RGS7: variants seen among roughly 807,000 people sequenced by gnomAD.
RGS7 encodes regulator of G-protein signaling 7.
RGS7 carries 27 observed loss-of-function variants against 81.1 expected under a neutral mutation model. The observed-to-expected ratio is 0.33, with a 90% CI of 0.25 to 0.46. The LOEUF (loss-of-function observed/expected upper bound fraction) is 0.46. Among genes scored for constraint, RGS7 ranks in the 20% least tolerant of loss-of-function variants. The pLI is 1.00. For missense variants in RGS7, 396 were observed against 607.4 expected, an observed-to-expected ratio of 0.65 and a Z score of 3.66; for synonymous variants, 208 against 207.7, an observed-to-expected ratio of 1.00 and a Z score of -0.01.
intron 14 of RGS7, 98 bp downstream of exon 14, chr1:240,811,820 T>C (rs1369430971): frequency 9.2e-7 from 1 of 1,085,170 alleles, no homozygotes; most frequent in Non-Finnish European, 1.4e-6. Flanking sequence ...ATCATTATGA[T>C]GTTAGTGGAA....
chr1:241,133,400 C>T (rs755577790), intron 2 of RGS7, among the ~76,000 whole-genome samples: 3 of 151,142 alleles, frequency 2.0e-5, no homozygotes, highest in Admixed American at 2.0e-4. Flanking sequence ...GGTCTGAAAG[C>T]ATACCTTAAA....
intron 6 of RGS7, among the ~76,000 whole-genome samples, chr1:240,922,641 T>A (rs1673769985): frequency 6.6e-6 from 1 of 152,056 alleles, no homozygotes; most frequent in Non-Finnish European, 1.5e-5. Context: ...CATATGTTAT[T>A]AGAGAACTGT....
chr1:241,293,087 A>G (rs1304398237), intron 2 of RGS7, among the ~76,000 whole-genome samples: 1 of 152,214 alleles, frequency 6.6e-6, no homozygotes, highest in Non-Finnish European at 1.5e-5. Context: ...GCTTAACAAC[A>G]TTTCAGTCAA....
intron 2 of RGS7, among the ~76,000 whole-genome samples, chr1:241,278,393 C>A (rs548841990): frequency 3.3e-5 from 5 of 152,288 alleles, no homozygotes; most frequent in Non-Finnish European, 7.4e-5. Context: ...CTAATCTATT[C>A]TACATTACTT....
intron 9 of RGS7, among the ~76,000 whole-genome samples, chr1:240,846,545 C>T (rs994159702): frequency 1.8e-4 from 28 of 152,236 alleles, no homozygotes; most frequent in African/African-American, 6.3e-4. Flanking sequence ...CATGCTAGGG[C>T]TTAACCTAGT....
At chr1:240,792,549 C>T (rs938704792) in intron 18 of RGS7, among the ~76,000 whole-genome samples, 6 of 152,174 alleles carry the variant, frequency 3.9e-5, no homozygotes, top group Admixed American at 3.9e-4. Flanking sequence ...CTTGTGCCAC[C>T]TTTGCTCTGT....
At chr1:241,238,984 T>G (rs1160958703) in intron 2 of RGS7, among the ~76,000 whole-genome samples, 56 of 149,808 alleles carry the variant, frequency 3.7e-4, no homozygotes, top group Admixed American at 3.7e-3. Context: ...TTTTTTTTTT[T>G]TTGAGATACA....
At chr1:240,865,489 G>A (rs1339240850) in intron 9 of RGS7, among the ~76,000 whole-genome samples, 1 of 152,174 alleles carries the variant, frequency 6.6e-6, no homozygotes, top group Non-Finnish European at 1.5e-5. Context: ...TGTTAACATG[G>A]AAGACCTAGC....
intron 2 of RGS7, among the ~76,000 whole-genome samples, chr1:241,107,796 C>G (rs1247724882): frequency 1.3e-5 from 2 of 152,086 alleles, no homozygotes; most frequent in Non-Finnish European, 2.9e-5. Flanking sequence ...AATTTCCATA[C>G]CTGAATTTTG....
intron 3 of RGS7, chr1:240,998,444 GT>G (rs1162009890): frequency 1.2e-6 from 1 of 800,640 alleles, no homozygotes; most frequent in African/African-American, 1.7e-5. Context: ...TATAAAAGAG[GT>G]TTCGTCAAAA....
At chr1:240,797,387 T>C (rs1161458911) in intron 18 of RGS7, among the ~76,000 whole-genome samples, 1 of 152,240 alleles carries the variant, frequency 6.6e-6, no homozygotes, top group Non-Finnish European at 1.5e-5. Context: ...GTTTCTCTTT[T>C]GTCACCCAGG....
At chr1:241,314,398 A>G (rs1413259657) in intron 2 of RGS7, among the ~76,000 whole-genome samples, 1 of 152,212 alleles carries the variant, frequency 6.6e-6, no homozygotes, top group Admixed American at 6.5e-5. Flanking sequence ...ACAATTGTGA[A>G]CAATTTTTAG....
chr1:240,884,210 T>G (rs537975452), intron 6 of RGS7, among the ~76,000 whole-genome samples: 7 of 151,810 alleles, frequency 4.6e-5, no homozygotes, highest in Middle Eastern at 6.8e-3. Flanking sequence ...CATTCAGGCA[T>G]GAGTTATAGT....
At chr1:241,191,264 C>T (rs1011934033) in intron 2 of RGS7, among the ~76,000 whole-genome samples, 15 of 152,256 alleles carry the variant, frequency 9.9e-5, no homozygotes, top group African/African-American at 3.6e-4. Context: ...CAGGAGTGAG[C>T]CACCGTGCCC....
chr1:241,282,794 CAT>C (rs1158096904), intron 2 of RGS7, among the ~76,000 whole-genome samples: 1 of 152,142 alleles, frequency 6.6e-6, no homozygotes, highest in Non-Finnish European at 1.5e-5. Flanking sequence ...AATTTTGTCA[CAT>C]GCTTCTTTTG....
chr1:240,923,472 T>C (rs1673920092), intron 6 of RGS7, among the ~76,000 whole-genome samples: 2 of 152,070 alleles, frequency 1.3e-5, no homozygotes, highest in African/African-American at 4.8e-5. Context: ...TCTGTAAACT[T>C]TGAGATTCTC....
chr1:241,127,439 A>C (rs2066741108), intron 2 of RGS7, among the ~76,000 whole-genome samples: 1 of 152,204 alleles, frequency 6.6e-6, no homozygotes, highest in Non-Finnish European at 1.5e-5. Context: ...AACTATCGCA[A>C]GGACAAAAAA....
intron 9 of RGS7, among the ~76,000 whole-genome samples, chr1:240,842,457 G>T (rs1331732151): frequency 6.6e-6 from 1 of 151,916 alleles, no homozygotes; most frequent in Non-Finnish European, 1.5e-5. Flanking sequence ...CTCCCAAAGT[G>T]CTGGGATTAC....
In RGS7 at chr1:241,302,643, TTTC is replaced by T. The variant is rs2079841739; in HGVS notation, c.78+53053_78+53055del. On this transcript the variant is annotated intron_variant, in intron 2 of 18. Transcript: ENST00000440928. ...GTAAAACAAATTACTTTGAAAAATT[TTTC>T]TTATCATACAAAATTTTAAACATGA... Among the ~76,000 whole-genome samples, 4 of 152,294 alleles carry T rather than the reference TTTC, an allele frequency of 2.6e-5. No individual in the cohort carries two copies. The East Asian group carries it at 7.7e-4, about 29-fold the overall frequency.
Sources: allele counts gnomAD v4.1 joint callset (sites outside exome capture counted in the v4.1 genomes callset), GRCh38; gene constraint gnomAD v4.1.1; transcripts MANE v1.5; gene names NCBI Gene and HGNC (gene_info 2026-07-23, HGNC 2026-07-21).